Variants in NELL1 observed in about 807,000 individuals in gnomAD.
The protein encoded by NELL1 is neural EGFL like 1, also known as protein kinase C-binding protein NELL1.
In NELL1, 76 loss-of-function variants were observed where a neutral mutation model predicts 107.4. That is an observed-to-expected ratio of 0.71 (90% CI 0.59 to 0.86). NELL1 has a LOEUF of 0.86. Among genes scored for constraint, NELL1 ranks in the 40% least tolerant of loss-of-function variants. The pLI, the probability that NELL1 is intolerant of heterozygous loss-of-function variation, is 0.00. For missense variants in NELL1, 1,024 were observed against 1,005.5 expected (o/e 1.02, Z -0.25); for synonymous variants, 353 against 341.2 (o/e 1.03, Z -0.38).
intron 10 of NELL1, among the ~76,000 whole-genome samples, chr11:20,940,205 C>T (rs926292332): frequency 6.6e-6 from 1 of 151,984 alleles, no homozygotes; most frequent in Non-Finnish European, 1.5e-5. Flanking sequence ...CTCTCTCTCT[C>T]TCTGTATGTG....
intron 7 of NELL1, among the ~76,000 whole-genome samples, chr11:20,926,055 A>T (rs1355457440): frequency 6.6e-6 from 1 of 152,220 alleles, no homozygotes; most frequent in Non-Finnish European, 1.5e-5. Flanking sequence ...TACTTAAGAC[A>T]TGAAAGGATA....
At chr11:20,888,289 A>G (rs572986694) in intron 5 of NELL1, among the ~76,000 whole-genome samples, 1 of 152,164 alleles carries the variant, frequency 6.6e-6, no homozygotes, top group African/African-American at 2.4e-5. Flanking sequence ...AGATACATGT[A>G]TATAAAAAAA....
chr11:21,223,446 G>A (rs543819717), intron 13 of NELL1, among the ~76,000 whole-genome samples: 2 of 151,766 alleles, frequency 1.3e-5, no homozygotes, highest in Non-Finnish European at 2.9e-5. Flanking sequence ...CTTTTAGATG[G>A]TGTGTGTTTT....
At chr11:21,179,109 T>C (rs568324178) in intron 13 of NELL1, among the ~76,000 whole-genome samples, 3 of 152,010 alleles carry the variant, frequency 2.0e-5, no homozygotes, top group African/African-American at 7.3e-5. Flanking sequence ...GGTTCTAACC[T>C]TCAAGAAATA....
chr11:21,127,446 T>G (rs1855510831), intron 13 of NELL1, among the ~76,000 whole-genome samples: 1 of 151,882 alleles, frequency 6.6e-6, no homozygotes, highest in Non-Finnish European at 1.5e-5. Flanking sequence ...GAAAAAAATT[T>G]AAAAAATTAG....
At chr11:20,707,610 T>C (rs1024655455) in intron 2 of NELL1, among the ~76,000 whole-genome samples, 16 of 152,216 alleles carry the variant, frequency 1.1e-4, no homozygotes, top group Non-Finnish European at 2.2e-4. Context: ...CAGCTGCAGG[T>C]CTGTTGGAGT....
At chr11:21,406,683 C>G (rs1003763569) in intron 15 of NELL1, among the ~76,000 whole-genome samples, 8 of 151,924 alleles carry the variant, frequency 5.3e-5, no homozygotes, top group Non-Finnish European at 1.0e-4. Context: ...AAAGCTGAGT[C>G]TCTATTCCTA....
In NELL1 at chr11:21,162,139, C is replaced by T. The variant is rs575888552; in HGVS notation, c.1426+48425C>T. 5.9e-5 allele frequency among the ~76,000 whole-genome samples: 9 copies of T among 151,880 alleles called. No homozygotes were observed. The East Asian group carries it at 1.2e-3, about 20-fold the overall frequency. On this transcript the variant is annotated intron_variant, in intron 13 of 19. Coordinates refer to ENST00000357134, the MANE Select transcript of NELL1 (RefSeq NM_006157.5). ...CTAAGTTTTGTATGTTTAGTAGAGA[C>T]GGGATTTCACCATGTTGACCAGGAT... is the stretch of plus-strand genomic sequence containing the variant.
At chr11:20,697,131 A>T (rs1378998843) in intron 2 of NELL1, among the ~76,000 whole-genome samples, 1 of 152,206 alleles carries the variant, frequency 6.6e-6, no homozygotes, top group Non-Finnish European at 1.5e-5. Context: ...GGTGCCGGGA[A>T]AAGAATGAGT....
chr11:21,454,422 A>G (rs1429060647), intron 15 of NELL1, among the ~76,000 whole-genome samples: 1 of 152,146 alleles, frequency 6.6e-6, no homozygotes, highest in Admixed American at 6.6e-5. Context: ...AGCATGATTT[A>G]TAGGTTCTTT....
intron 12 of NELL1, among the ~76,000 whole-genome samples, chr11:21,020,627 C>T (rs949042589): frequency 3.3e-5 from 5 of 152,014 alleles, no homozygotes; most frequent in Non-Finnish European, 7.4e-5. Context: ...AGCTTCTGCA[C>T]ATCTAAGCTG....
intron 15 of NELL1, among the ~76,000 whole-genome samples, chr11:21,458,514 GAGT>G (rs1853808861): frequency 6.6e-6 from 1 of 152,138 alleles, no homozygotes; most frequent in South Asian, 2.1e-4. Context: ...TGTATTCACA[GAGT>G]AGTCACAACC....
At chr11:20,995,309 C>T (rs573970825) in intron 12 of NELL1, among the ~76,000 whole-genome samples, 4 of 152,144 alleles carry the variant, frequency 2.6e-5, no homozygotes, top group South Asian at 2.1e-4. Context: ...TGGCTGGGCG[C>T]GGTGGCTCAC....
intron 2 of NELL1, among the ~76,000 whole-genome samples, chr11:20,741,613 C>T (rs1326002652): frequency 1.3e-5 from 2 of 152,078 alleles, no homozygotes; most frequent in Admixed American, 1.3e-4. Context: ...AAGAACTTTT[C>T]AGAGATTAGA....
chr11:21,235,152 T>C (rs942143955), intron 14 of NELL1, among the ~76,000 whole-genome samples: 2 of 152,108 alleles, frequency 1.3e-5, no homozygotes, highest in Non-Finnish European at 2.9e-5. Flanking sequence ...AGTCTGCCCT[T>C]AGGTGCCTTT....
intron 14 of NELL1, among the ~76,000 whole-genome samples, chr11:21,235,584 G>T (rs1264436351): frequency 6.6e-6 from 1 of 152,088 alleles, no homozygotes; most frequent in Non-Finnish European, 1.5e-5. Context: ...AACTGGACCA[G>T]GTGATGTTAC....
At chr11:21,006,394 A>G (rs1338718381) in intron 12 of NELL1, among the ~76,000 whole-genome samples, 1 of 152,082 alleles carries the variant, frequency 6.6e-6, no homozygotes, top group Non-Finnish European at 1.5e-5. Context: ...TTAACCTTGG[A>G]CTTTTCAGAC....
At chr11:20,738,195 C>T (rs542043918) in intron 2 of NELL1, among the ~76,000 whole-genome samples, 2 of 152,234 alleles carry the variant, frequency 1.3e-5, no homozygotes, top group South Asian at 4.2e-4. Context: ...TCCAGGTAAG[C>T]ATCCCAGAAG....
intron 16 of NELL1, among the ~76,000 whole-genome samples, chr11:21,555,365 A>G (rs576304942): frequency 1.3e-5 from 2 of 152,020 alleles, no homozygotes; most frequent in East Asian, 3.9e-4. Context: ...AGAGACTTCA[A>G]GATTTAGCCT....
Sources: allele counts gnomAD v4.1 joint callset (sites outside exome capture counted in the v4.1 genomes callset), GRCh38; gene constraint gnomAD v4.1.1; transcripts MANE v1.5; gene names NCBI Gene and HGNC (gene_info 2026-07-23, HGNC 2026-07-21).